DMD: variants seen among roughly 807,000 people sequenced by gnomAD.
DMD encodes mutant dystrophin.
DMD carries 63 observed loss-of-function variants against 330.1 expected under a neutral mutation model. The observed-to-expected ratio is 0.19, with a 90% confidence interval of 0.16 to 0.24. The LOEUF (loss-of-function observed/expected upper bound fraction) is 0.24, where lower values mean the gene tolerates loss of function less well. Ranked by LOEUF, DMD falls within the 10% of genes least tolerant of loss-of-function variation. DMD has a pLI of 1.00. For synonymous variants in DMD, 1,223 were observed against 959.8 expected (o/e 1.27, Z -5.07); for missense variants, 3,344 against 2,684.1 (o/e 1.25, Z -5.43).
At chrX:32,443,470 C>A (rs1261662490) in intron 27 of DMD, among the ~76,000 whole-genome samples, 1 of 111,133 alleles carries the variant, frequency 9.0e-6, no homozygotes, top group Non-Finnish European at 1.9e-5. Flanking sequence ...TCATTCTGGG[C>A]AAAGATCCCA....
intron 4 of DMD, among the ~76,000 whole-genome samples, chrX:32,825,106 T>A (rs2078593860): frequency 1.8e-5 from 2 of 111,848 alleles, no homozygotes; most frequent in Admixed American, 9.6e-5. Context: ...AACTTAATTC[T>A]AGTGATAGTG....
chrX:32,730,388 G>C (rs1260393736), intron 7 of DMD, among the ~76,000 whole-genome samples: 1 of 111,842 alleles, frequency 8.9e-6, no homozygotes, highest in African/African-American at 3.3e-5. Context: ...TAAATGCATA[G>C]ATATGTGATC....
In DMD at chrX:33,155,940, A is replaced by C. The variant is rs1244903082; in HGVS notation, c.31+55342T>G. 6.3e-5 allele frequency among the ~76,000 whole-genome samples: 7 copies of C among 111,751 alleles called. No individual in the cohort carries two copies. The East Asian group carries it at 2.0e-3, about 32-fold the overall frequency. ...AGACCTCATTTCTAAAAAATAAATA[A>C]ATGAATAAGAAAGAAATGCAGCCAC... On this transcript the variant is annotated intron_variant, in intron 1 of 78. Coordinates refer to ENST00000357033, the MANE Select transcript of DMD (RefSeq NM_004006.3).
chrX:32,336,017 GT>G (rs1383716423), intron 41 of DMD, among the ~76,000 whole-genome samples: 3 of 92,866 alleles, frequency 3.2e-5, no homozygotes, highest in Non-Finnish European at 2.1e-5. Flanking sequence ...TATATATAAC[GT>G]GTATATATAA....
intron 61 of DMD, among the ~76,000 whole-genome samples, chrX:31,340,564 C>T (rs760726560): frequency 5.4e-5 from 6 of 111,868 alleles, no homozygotes; most frequent in Non-Finnish European, 1.1e-4. Flanking sequence ...TAGTTGTGAT[C>T]ATGCTGTAAT....
chrX:32,170,283 C>T (rs2096882970), intron 44 of DMD, among the ~76,000 whole-genome samples: 1 of 109,316 alleles, frequency 9.1e-6, no homozygotes, highest in East Asian at 2.9e-4. Flanking sequence ...CCAGCCTGAC[C>T]AACATGGTGA....
In DMD at chrX:32,310,173, T is replaced by C. The variant is rs1383692886; in HGVS notation, c.6026A>G (p.Gln2009Arg). ...TYLTEITHVSQALLEVEQLLN... is the reference protein window; with the variant it reads ...TYLTEITHVSRALLEVEQLLN... The stretch of plus-strand genomic sequence containing the variant: ...AAGTTGTTCCACTTCTAATAGGGCT[T>C]GTGAGACATGAGTGATTTCAGTCAA... The change falls in exon 42 of 79, where the codon CAA (glutamine) becomes CGA (arginine). Residue 2009 changes from glutamine to arginine, a missense_variant. By Grantham distance (43) the Gln-to-Arg change is conservative (BLOSUM62 1). Coordinates refer to ENST00000357033, the MANE Select transcript of DMD (RefSeq NM_004006.3). 8.3e-6 allele frequency: 10 copies of C among 1,208,832 alleles called. No individual in the cohort carries two copies. Among genetic ancestry groups the C allele is most frequent in the Non-Finnish European group, 1.1e-5 (10 of 893,212 alleles).
intron 60 of DMD, among the ~76,000 whole-genome samples, chrX:31,361,084 C>T (rs1030204358): frequency 5.4e-5 from 6 of 110,327 alleles, no homozygotes; most frequent in Admixed American, 2.9e-4. Context: ...CATAGTGAGA[C>T]CCTGTCTCTT....
At chrX:31,260,886 C>T in intron 63 of DMD, 69 bp downstream of exon 63, 1 of 1,037,718 alleles carries the variant, frequency 9.6e-7, no homozygotes, top group Non-Finnish European at 1.3e-6. Flanking sequence ...GTAACTTTCA[C>T]ACTGCAAACT....
At chrX:31,655,967 A>G (rs1290665274) in intron 54 of DMD, among the ~76,000 whole-genome samples, 1 of 112,320 alleles carries the variant, frequency 8.9e-6, no homozygotes, top group East Asian at 2.8e-4. Context: ...GACCTCTTCA[A>G]TGTGAAGTTC....
At chrX:32,735,459 T>C (rs950647671) in intron 7 of DMD, among the ~76,000 whole-genome samples, 1 of 111,160 alleles carries the variant, frequency 9.0e-6, no homozygotes, top group Non-Finnish European at 1.9e-5. Context: ...CATCACCAAG[T>C]CACTCCTAAG....
chrX:31,605,534 A>G (rs1332323084), intron 55 of DMD, among the ~76,000 whole-genome samples: 2 of 112,010 alleles, frequency 1.8e-5, no homozygotes, highest in East Asian at 2.8e-4. Context: ...TTTTATTTTT[A>G]GGACATGAAT....
intron 62 of DMD, chrX:31,261,327 G>A (rs1163839421): frequency 4.6e-5 from 12 of 262,572 alleles, no homozygotes; most frequent in East Asian, 8.5e-5. Flanking sequence ...ATCAATAATC[G>A]ACTATCAGGA....
At chrX:32,189,673 A>G (rs1406375144) in intron 44 of DMD, among the ~76,000 whole-genome samples, 1 of 108,932 alleles carries the variant, frequency 9.2e-6, no homozygotes, top group African/African-American at 3.3e-5. Context: ...CCGCAAAGTT[A>G]TTAGGAAGTA....
chrX:31,181,127 G>A (rs1261436340), intron 68 of DMD, among the ~76,000 whole-genome samples: 1 of 111,877 alleles, frequency 8.9e-6, no homozygotes, highest in Non-Finnish European at 1.9e-5. Context: ...GGATTAGATG[G>A]AAGAATTTAT....
At chrX:31,721,665 C>A (rs2085493171) in intron 52 of DMD, among the ~76,000 whole-genome samples, 3 of 51,097 alleles carry the variant, frequency 5.9e-5, no homozygotes, top group South Asian at 1.3e-3. Flanking sequence ...AGTATTATTA[C>A]CAATCTCTCT....
chrX:31,754,011 A>G (rs777504749), intron 51 of DMD, among the ~76,000 whole-genome samples: 2 of 111,703 alleles, frequency 1.8e-5, no homozygotes, highest in African/African-American at 6.5e-5. Flanking sequence ...TCAGGTGTAT[A>G]AAAAATATAA....
intron 12 of DMD, among the ~76,000 whole-genome samples, chrX:32,611,203 A>AC (rs2057143802): frequency 3.8e-5 from 3 of 78,232 alleles, no homozygotes; most frequent in Admixed American, 2.7e-4. Flanking sequence ...CTTAATTTTT[A>AC]TAAAAAAAAA....
In DMD at chrX:32,902,122, A is replaced by G. The variant is rs182541548; in HGVS notation, c.94-52302T>C. On this transcript the variant is annotated intron_variant, in intron 2 of 78. Transcript: ENST00000357033. ...TAGCAAAATAAAGAACCATAGCCAA[A>G]ATAAATTCCTCATAAGCAAGCATCA... 1.1e-4 allele frequency among the ~76,000 whole-genome samples: 12 copies of G among 105,424 alleles called. No homozygotes were observed. In the East Asian group the frequency reaches 3.6e-3, roughly 32 times the overall value. The allele number at this position is 105,424 out of a possible 115,157, so 91.5% of individuals were successfully genotyped here.
Sources: allele counts gnomAD v4.1 joint callset (sites outside exome capture counted in the v4.1 genomes callset), GRCh38; gene constraint gnomAD v4.1.1; transcripts MANE v1.5; gene names NCBI Gene and HGNC (gene_info 2026-07-23, HGNC 2026-07-21).